FOXP1: variants seen among roughly 807,000 people sequenced by gnomAD.
The protein encoded by FOXP1 is forkhead box P1.
A neutral mutation model predicts 98.2 loss-of-function variants in FOXP1; 15 were observed. The observed-to-expected ratio is 0.15, with a 90% CI of 0.10 to 0.24. FOXP1 has a LOEUF of 0.24. FOXP1 is among the 10% of genes least tolerant of loss of function. The pLI is 1.00. For missense variants in FOXP1, 633 were observed against 848.5 expected (o/e 0.75, Z 3.15); for synonymous variants, 371 against 314.5 (o/e 1.18, Z -1.90).
chr3:71,206,883 T>C (rs1445593020), intron 5 of FOXP1, among the ~76,000 whole-genome samples: 1 of 152,162 alleles, frequency 6.6e-6, no homozygotes, highest in African/African-American at 2.4e-5. Context: ...TCATAGCAAC[T>C]GTGGGCAAAC....
chr3:71,447,044 G>A (rs2086514396), intron 3 of FOXP1, among the ~76,000 whole-genome samples: 1 of 152,272 alleles, frequency 6.6e-6, no homozygotes. Context: ...ATCTAAATGG[G>A]CACTTGACCC....
At chr3:71,078,600 G>A (rs1249484162) in intron 7 of FOXP1, among the ~76,000 whole-genome samples, 1 of 152,016 alleles carries the variant, frequency 6.6e-6, no homozygotes, top group Non-Finnish European at 1.5e-5. Context: ...GCTAAATTTT[G>A]TTAAATGAAA....
chr3:71,285,239 C>A lies in FOXP1; in HGVS notation c.-12+14581G>T, dbSNP rs546724181. Among the ~76,000 whole-genome samples the A allele has an allele frequency of 5.5e-4, 84 of 152,280 alleles. 1 individual carries two copies. The highest frequency in any genetic ancestry group is 3.4e-3 in the Middle Eastern group (1 of 294). The stretch of plus-strand genomic sequence containing the variant: ...ATCATTATCCTCTTATATACCCCAG[C>A]CCTTGGCAAAACACGTCACATAGGA... On this transcript the variant is annotated intron_variant, in intron 5 of 20. Transcript: ENST00000649528.
chr3:71,350,788 AG>A (rs1339280231), intron 4 of FOXP1, among the ~76,000 whole-genome samples: 1 of 152,212 alleles, frequency 6.6e-6, no homozygotes. Flanking sequence ...TATCAAGTAT[AG>A]TACCCGACGT....
chr3:71,116,224 GT>G (rs71621919), intron 6 of FOXP1, among the ~76,000 whole-genome samples: 1 of 151,138 alleles, frequency 6.6e-6, no homozygotes, highest in Non-Finnish European at 1.5e-5. Context: ...TCATGTATAA[GT>G]TTTTTTTTCA....
chr3:71,312,167 C>T (rs1346393855), intron 4 of FOXP1, among the ~76,000 whole-genome samples: 2 of 152,164 alleles, frequency 1.3e-5, no homozygotes, highest in Non-Finnish European at 2.9e-5. Flanking sequence ...AGGGTGTACG[C>T]ATATGCTGCT....
At chr3:71,169,371 T>C (rs1026094303) in intron 6 of FOXP1, among the ~76,000 whole-genome samples, 1 of 152,198 alleles carries the variant, frequency 6.6e-6, no homozygotes, top group Admixed American at 6.5e-5. Context: ...TAATCAAGCA[T>C]AAAATGGTCA....
At chr3:71,583,522 G>T (rs1252794560) in intron 1 of FOXP1, 49 bp downstream of exon 1, 9 of 983,518 alleles carry the variant, frequency 9.2e-6, no homozygotes, top group African/African-American at 1.8e-5. Context: ...AACAAGACAG[G>T]AGGCGGCTTG....
intron 6 of FOXP1, among the ~76,000 whole-genome samples, chr3:71,128,636 G>A (rs143638815): frequency 1.9e-4 from 29 of 152,150 alleles, no homozygotes; most frequent in African/African-American, 6.7e-4. Context: ...TATAGCCTTC[G>A]ACAAAACGGT....
chr3:71,501,865 C>T (rs1212615960), intron 2 of FOXP1, among the ~76,000 whole-genome samples: 1 of 152,160 alleles, frequency 6.6e-6, no homozygotes, highest in African/African-American at 2.4e-5. Context: ...TGGTATCCCT[C>T]AAGATGGCCT....
At chr3:71,279,345 T>C (rs949970809) in intron 5 of FOXP1, among the ~76,000 whole-genome samples, 2 of 152,170 alleles carry the variant, frequency 1.3e-5, no homozygotes, top group Admixed American at 6.5e-5. Flanking sequence ...CCTAAATTAG[T>C]GCTTCTCAAC....
At chr3:71,577,043 T>C (rs2047774608) in intron 2 of FOXP1, among the ~76,000 whole-genome samples, 1 of 152,162 alleles carries the variant, frequency 6.6e-6, no homozygotes, top group Admixed American at 6.5e-5. Context: ...GTCAATAGAT[T>C]TCACGACTGG....
chr3:71,154,852 T>C (rs1220001765), intron 6 of FOXP1, among the ~76,000 whole-genome samples: 2 of 152,176 alleles, frequency 1.3e-5, no homozygotes, highest in Admixed American at 6.5e-5. Flanking sequence ...GAAGACAACA[T>C]AACAGGAGCC....
At chr3:71,368,976 T>C (rs1329905932) in intron 3 of FOXP1, among the ~76,000 whole-genome samples, 1 of 152,230 alleles carries the variant, frequency 6.6e-6, no homozygotes, top group African/African-American at 2.4e-5. Flanking sequence ...CATTAGGATC[T>C]ACCTCAAAGA....
intron 6 of FOXP1, among the ~76,000 whole-genome samples, chr3:71,169,169 G>C (rs1396556628): frequency 6.6e-6 from 1 of 152,138 alleles, no homozygotes; most frequent in Non-Finnish European, 1.5e-5. Flanking sequence ...CTATTTCATC[G>C]AGTCAGTTTA....
At position 71,236,012 on chromosome 3, in the gene FOXP1, A is replaced by G. The variant is rs536358328; in HGVS notation, c.-11-37620T>C. Among the ~76,000 whole-genome samples, 3 of 152,376 alleles carry G rather than the reference A, an allele frequency of 2.0e-5. No homozygotes were observed. In the East Asian group the frequency reaches 5.8e-4, roughly 29 times the overall value. ...TGCCCCAGTAAGAGCCTGTGGCTCC[A>G]GGACCGCATGTAACAATTCTTGCAA... On this transcript the variant is annotated intron_variant, in intron 5 of 20. Coordinates refer to ENST00000649528, the MANE Select transcript of FOXP1 (RefSeq NM_001349338.3).
At chr3:71,034,184 G>C (rs1285170201) in intron 11 of FOXP1, among the ~76,000 whole-genome samples, 1 of 152,108 alleles carries the variant, frequency 6.6e-6, no homozygotes, top group African/African-American at 2.4e-5. Context: ...ATTTTCCTGG[G>C]GGCTTCTTCT....
At chr3:71,506,152 T>C (rs1274847400) in intron 2 of FOXP1, among the ~76,000 whole-genome samples, 1 of 152,190 alleles carries the variant, frequency 6.6e-6, no homozygotes, top group Non-Finnish European at 1.5e-5. Context: ...ATATCCCAGG[T>C]TGCAAATTCT....
intron 14 of FOXP1, among the ~76,000 whole-genome samples, chr3:70,980,189 G>T (rs1046884578): frequency 6.6e-6 from 1 of 152,104 alleles, no homozygotes; most frequent in South Asian, 2.1e-4. Context: ...GAAGCCAAGG[G>T]GGGAAGAGTT....
Sources: allele counts gnomAD v4.1 joint callset (sites outside exome capture counted in the v4.1 genomes callset), GRCh38; gene constraint gnomAD v4.1.1; transcripts MANE v1.5; gene names NCBI Gene and HGNC (gene_info 2026-07-23, HGNC 2026-07-21).